MCMBP: variants seen among roughly 807,000 people sequenced by gnomAD.
The protein encoded by MCMBP is mini-chromosome maintenance complex-binding protein.
MCMBP carries 31 observed loss-of-function variants against 81.3 expected under a neutral mutation model. The observed-to-expected ratio is 0.38, with a 90% confidence interval of 0.29 to 0.51. MCMBP has a LOEUF of 0.51. Ranked by LOEUF, MCMBP falls within the 20% of genes least tolerant of loss-of-function variation. The pLI, the probability that MCMBP is intolerant of heterozygous loss-of-function variation, is 0.87. For synonymous variants in MCMBP, 267 were observed against 275.9 expected, an observed-to-expected ratio of 0.97 and a Z score of 0.32; for missense variants, 645 against 772.1, an observed-to-expected ratio of 0.84 and a Z score of 1.95.
At chr10:119,868,194 T>TG (rs1853540736) in intron 1 of MCMBP, among the ~76,000 whole-genome samples, 1 of 152,068 alleles carries the variant, frequency 6.6e-6, no homozygotes, top group Non-Finnish European at 1.5e-5. Context: ...GGAGGCCAAG[T>TG]GGGGGCAGAT....
chr10:119,831,640 G>C, intron 15 of MCMBP, 40 bp from the exon 16 acceptor site: 5 of 1,596,838 alleles, frequency 3.1e-6, no homozygotes, highest in African/African-American at 1.4e-5. Flanking sequence ...TCTAGAGCTG[G>C]GATAGTAAGT....
chr10:119,836,526 A>G (rs1189877373), intron 13 of MCMBP, among the ~76,000 whole-genome samples: 1 of 151,700 alleles, frequency 6.6e-6, no homozygotes, highest in African/African-American at 2.4e-5. Flanking sequence ...ATTTTAAAAG[A>G]ACTCTGAAAT....
intron 1 of MCMBP, among the ~76,000 whole-genome samples, chr10:119,864,998 G>T (rs1290137442): frequency 2.0e-5 from 3 of 152,228 alleles, no homozygotes; most frequent in African/African-American, 4.8e-5. Flanking sequence ...GTATTCTGCT[G>T]TCATTAGGTA....
At chr10:119,846,169 A>C (rs1484558511) in intron 8 of MCMBP, among the ~76,000 whole-genome samples, 1 of 152,230 alleles carries the variant, frequency 6.6e-6, no homozygotes, top group Non-Finnish European at 1.5e-5. Context: ...GCCAGAAAAT[A>C]AATGTTAAAA....
At chr10:119,865,037 G>A (rs1442729293) in intron 1 of MCMBP, among the ~76,000 whole-genome samples, 2 of 152,202 alleles carry the variant, frequency 1.3e-5, no homozygotes, top group African/African-American at 2.4e-5. Flanking sequence ...CTACTTGGTT[G>A]ACAGTGTTGT....
chr10:119,862,437 G>T (rs1317118282), intron 1 of MCMBP, among the ~76,000 whole-genome samples: 1 of 152,152 alleles, frequency 6.6e-6, no homozygotes, highest in Non-Finnish European at 1.5e-5. Context: ...ATCTTAGGAG[G>T]AGTACAACTA....
intron 7 of MCMBP, 64 bp downstream of exon 7, chr10:119,849,361 G>C: frequency 6.6e-7 from 1 of 1,523,024 alleles, no homozygotes; most frequent in Non-Finnish European, 8.9e-7. Context: ...CAAATGCTCA[G>C]ACACTAAGCT....
rs1374978186 is a variant in MCMBP, at chr10:119,872,552, C to A, written c.33G>T (p.Pro11=). The change falls in exon 1 of 16, where the codon CCG becomes CCT. Residue 11 remains proline, a synonymous_variant. Transcript: ENST00000369077. MPCGEDWLSH[P]LGIVQGFFAQ... ...CGAAGAATCCCTGCACGATTCCCAG[C>A]GGGTGGCTGAGCCAATCCTCCCCAC... The A allele has an allele frequency of 5.0e-6, 6 of 1,189,192 alleles. No homozygotes were observed. The highest frequency in any genetic ancestry group is 1.6e-5 in the African/African-American group (1 of 61,850). 73.7% of individuals were successfully genotyped at this position (1,189,192 alleles called of 1,614,324 possible). A position where few individuals can be genotyped will look rare whatever the true frequency, so the allele number is the denominator to read the frequency against.
At chr10:119,867,877 G>A (rs976185850) in intron 1 of MCMBP, among the ~76,000 whole-genome samples, 13 of 152,088 alleles carry the variant, frequency 8.5e-5, no homozygotes, top group African/African-American at 2.9e-4. Context: ...GGTCCAAGCT[G>A]GGTACAGACA....
rs1853718493 is a variant in MCMBP, at chr10:119,872,418, A to C, written c.58+109T>G. 1.2e-5 allele frequency: 7 copies of C among 585,540 alleles called. No homozygotes were observed. The South Asian group carries it at 5.6e-4, about 47-fold the overall frequency. 36.3% of individuals were successfully genotyped at this position (585,540 alleles called of 1,614,324 possible). On this transcript the variant is annotated intron_variant, in intron 1 of 15. Coordinates refer to ENST00000369077, the MANE Select transcript of MCMBP (RefSeq NM_001256378.2). ...AGGCCCCGGGGCCCCGTCTCGGGCC[A>C]CGCGAGCCCTCGAGATGGTACCGCG...
chr10:119,841,994 A>C (rs1852450355), intron 10 of MCMBP, among the ~76,000 whole-genome samples: 1 of 152,110 alleles, frequency 6.6e-6, no homozygotes, highest in African/African-American at 2.4e-5. Flanking sequence ...ATAGGAGGTG[A>C]GGGGTGGATG....
At chr10:119,865,188 C>T (rs954647577) in intron 1 of MCMBP, among the ~76,000 whole-genome samples, 3 of 152,178 alleles carry the variant, frequency 2.0e-5, no homozygotes, top group Admixed American at 1.3e-4. Context: ...TTGCATCATA[C>T]ATTTTGAAGC....
intron 7 of MCMBP, among the ~76,000 whole-genome samples, chr10:119,848,168 A>G (rs975262361): frequency 1.1e-4 from 10 of 89,604 alleles, no homozygotes; most frequent in Non-Finnish European, 2.5e-4. Flanking sequence ...TCACAATTTA[A>G]AAAAAAAAAA....
intron 5 of MCMBP, among the ~76,000 whole-genome samples, chr10:119,855,787 T>C (rs1853018694): frequency 6.6e-6 from 1 of 152,134 alleles, no homozygotes; most frequent in South Asian, 2.1e-4. Context: ...ACTAACATTA[T>C]TGGGAATGAA....
chr10:119,833,518 AAAAC>A (rs1014633212), intron 14 of MCMBP, among the ~76,000 whole-genome samples: 147 of 152,226 alleles, frequency 9.7e-4, no homozygotes, highest in African/African-American at 3.3e-3. Context: ...AAAAAACAAA[AAAAC>A]AAAACTTTAG....
chr10:119,852,976 T>C (rs1852884078), intron 6 of MCMBP, 74 bp downstream of exon 6: 5 of 1,554,010 alleles, frequency 3.2e-6, no homozygotes, highest in Middle Eastern at 1.7e-4. Context: ...AGCTATATTA[T>C]GTAACAATTC....
chr10:119,857,430 C>T lies in MCMBP; in HGVS notation c.337G>A (p.Glu113Lys), dbSNP rs1362896989. Reference protein sequence around the residue: ...RDVAECGPQQELDLNSPRNTT... With the variant: ...RDVAECGPQQKLDLNSPRNTT... ...TTTCGTGGAGAGTTTAAATCAAGTT[C>T]TTGTTGAGGCTGTGATATACATAAA... Residue 113 changes from glutamate (E) to lysine (K), a missense_variant, in exon 5 of 16, where the codon GAA (glutamate) becomes AAA (lysine). Coordinates refer to ENST00000369077, the MANE Select transcript of MCMBP (RefSeq NM_001256378.2). 3 of 1,604,298 alleles carry T rather than the reference C, an allele frequency of 1.9e-6. No individual in the cohort carries two copies. The highest frequency in any genetic ancestry group is 8.5e-7 in the Non-Finnish European group (1 of 1,174,242).
At chr10:119,859,631 C>G (rs2134392209) in intron 2 of MCMBP, among the ~76,000 whole-genome samples, 168 bp downstream of exon 2, 1 of 152,178 alleles carries the variant, frequency 6.6e-6, no homozygotes, top group South Asian at 2.1e-4. Context: ...TATTTACATG[C>G]TTAAACTTAA....
chr10:119,855,294 CT>C (rs1852995765), intron 5 of MCMBP, among the ~76,000 whole-genome samples: 1 of 152,166 alleles, frequency 6.6e-6, no homozygotes, highest in Non-Finnish European at 1.5e-5. Flanking sequence ...AAAGCAGTGA[CT>C]GGGGAGAAAT....
Sources: allele counts gnomAD v4.1 joint callset (sites outside exome capture counted in the v4.1 genomes callset), GRCh38; gene constraint gnomAD v4.1.1; transcripts MANE v1.5; gene names NCBI Gene and HGNC (gene_info 2026-07-23, HGNC 2026-07-21).